The following PTPRD variants were observed in gnomAD, a reference collection of about 807,000 sequenced individuals.
PTPRD encodes the protein protein tyrosine phosphatase receptor type D.
PTPRD carries 34 observed loss-of-function variants against 214.5 expected under a neutral mutation model. That is an observed-to-expected ratio of 0.16 (90% CI 0.12 to 0.21). PTPRD has a LOEUF of 0.21. Ranked by LOEUF, PTPRD falls within the 10% of genes least tolerant of loss-of-function variation. The pLI, the probability that PTPRD is intolerant of heterozygous loss-of-function variation, is 1.00. For synonymous variants in PTPRD, 1,128 were observed against 845.7 expected (o/e 1.33, Z -5.79); for missense variants, 2,545 against 2,398.7 (o/e 1.06, Z -1.27).
intron 11 of PTPRD, among the ~76,000 whole-genome samples, chr9:8,770,437 A>G (rs2095116897): frequency 6.6e-6 from 1 of 152,156 alleles, no homozygotes; most frequent in South Asian, 2.1e-4. Context: ...AATATGTTCT[A>G]TGAGCTTTGT....
intron 11 of PTPRD, among the ~76,000 whole-genome samples, chr9:8,991,783 G>T (rs1039577727): frequency 1.3e-5 from 2 of 152,182 alleles, no homozygotes; most frequent in African/African-American, 4.8e-5. Context: ...ACATTTGCTA[G>T]TTCATAATTA....
At chr9:10,485,105 T>C (rs1224453443) in intron 2 of PTPRD, among the ~76,000 whole-genome samples, 1 of 152,044 alleles carries the variant, frequency 6.6e-6, no homozygotes, top group African/African-American at 2.4e-5. Flanking sequence ...TTTCCAGCAC[T>C]ATTTATTCAC....
At chr9:9,308,209 T>C (rs764757657) in intron 9 of PTPRD, among the ~76,000 whole-genome samples, 1 of 152,194 alleles carries the variant, frequency 6.6e-6, no homozygotes, top group Non-Finnish European at 1.5e-5. Context: ...AATCCTCAGA[T>C]TGTGATCAAG....
intron 8 of PTPRD, among the ~76,000 whole-genome samples, chr9:9,413,035 C>G (rs986572409): frequency 6.0e-5 from 9 of 150,924 alleles, no homozygotes; most frequent in African/African-American, 2.2e-4. Flanking sequence ...GTTGTTATTC[C>G]ATGCAGCTAT....
chr9:9,607,969 C>G (rs890643869), intron 7 of PTPRD, among the ~76,000 whole-genome samples: 5 of 152,208 alleles, frequency 3.3e-5, no homozygotes, highest in South Asian at 2.1e-4. Flanking sequence ...AGTGAGGAAA[C>G]AGTCTGGATT....
intron 10 of PTPRD, among the ~76,000 whole-genome samples, chr9:9,038,953 G>A (rs976813039): frequency 1.3e-5 from 2 of 151,912 alleles, no homozygotes; most frequent in Non-Finnish European, 2.9e-5. Flanking sequence ...AAAAGCTTTT[G>A]CTGTATTTTC....
At chr9:9,675,576 T>C (rs1394660228) in intron 7 of PTPRD, among the ~76,000 whole-genome samples, 1 of 151,808 alleles carries the variant, frequency 6.6e-6, no homozygotes, top group Non-Finnish European at 1.5e-5. Flanking sequence ...TCAAAGTAGA[T>C]TAAAATAACA....
At chr9:9,316,935 A>G (rs985458341) in intron 9 of PTPRD, among the ~76,000 whole-genome samples, 5 of 152,152 alleles carry the variant, frequency 3.3e-5, no homozygotes, top group Non-Finnish European at 5.9e-5. Context: ...CTAAAGTTAC[A>G]AAGTCACTTA....
intron 9 of PTPRD, among the ~76,000 whole-genome samples, chr9:9,302,499 T>G (rs1310251802): frequency 6.6e-6 from 1 of 151,852 alleles, no homozygotes; most frequent in Non-Finnish European, 1.5e-5. Flanking sequence ...CCATGTAACT[T>G]GATTCCTGCT....
Position 10,187,295 on chromosome 9 carries a change from G to C in PTPRD, c.-544-153505C>G, listed in dbSNP as rs146652112. Among the ~76,000 whole-genome samples the C allele has an allele frequency of 9.5e-3, 1,451 of 152,158 alleles. 96 individuals are homozygous for C. The highest frequency in any genetic ancestry group is 0.089 in the Admixed American group (1,356 of 15,260). On this transcript the variant is annotated intron_variant, in intron 3 of 45. Transcript: ENST00000381196. ...CTTTTTAAAACTAGAATATAGCACA[G>C]CATTTGACTTACATGCAGTTTACCA...
chr9:8,623,953 T>C (rs2095911214), intron 14 of PTPRD, among the ~76,000 whole-genome samples: 1 of 151,970 alleles, frequency 6.6e-6, no homozygotes, highest in Non-Finnish European at 1.5e-5. Context: ...CTTTCAAAGT[T>C]TCAAGGATAT....
chr9:9,348,025 G>A (rs553844910), intron 9 of PTPRD, among the ~76,000 whole-genome samples: 1 of 152,208 alleles, frequency 6.6e-6, no homozygotes, highest in South Asian at 2.1e-4. Context: ...GTTTTAGTAT[G>A]CATATTCATC....
intron 8 of PTPRD, among the ~76,000 whole-genome samples, chr9:9,537,156 T>C (rs1171146618): frequency 6.6e-6 from 1 of 151,958 alleles, no homozygotes; most frequent in Non-Finnish European, 1.5e-5. Flanking sequence ...CCAGCTACTA[T>C]GAGTAAGAAG....
chr9:9,067,616 A>G (rs1041217782), intron 10 of PTPRD, among the ~76,000 whole-genome samples: 1 of 152,138 alleles, frequency 6.6e-6, no homozygotes, highest in Non-Finnish European at 1.5e-5. Context: ...TTTACTGTAA[A>G]ACTTTTGAAT....
intron 14 of PTPRD, among the ~76,000 whole-genome samples, chr9:8,548,697 T>C: frequency 7.6e-6 from 1 of 131,512 alleles, no homozygotes; most frequent in Non-Finnish European, 1.6e-5. Context: ...TTTTTTTTTT[T>C]TTTTTTTTTT....
intron 11 of PTPRD, among the ~76,000 whole-genome samples, chr9:8,958,263 G>A (rs900669441): frequency 2.0e-5 from 3 of 151,826 alleles, no homozygotes; most frequent in African/African-American, 4.8e-5. Context: ...TTCTCTCTCT[G>A]TCTGAACAAG....
chr9:9,720,559 T>A (rs2097917463), intron 7 of PTPRD, among the ~76,000 whole-genome samples: 2 of 152,094 alleles, frequency 1.3e-5, no homozygotes, highest in South Asian at 4.1e-4. Flanking sequence ...GAGTTAGAAG[T>A]GATGGGAATA....
At chr9:10,198,468 T>C (rs1404247692) in intron 3 of PTPRD, among the ~76,000 whole-genome samples, 4 of 152,100 alleles carry the variant, frequency 2.6e-5, no homozygotes, top group African/African-American at 9.7e-5. Flanking sequence ...CTGAAAGTTG[T>C]AATGATTGCC....
intron 12 of PTPRD, among the ~76,000 whole-genome samples, chr9:8,679,155 G>T (rs2097499986): frequency 6.6e-6 from 1 of 152,182 alleles, no homozygotes; most frequent in African/African-American, 2.4e-5. Flanking sequence ...TTTAGAGGCA[G>T]AAACTAGTCG....
Sources: allele counts gnomAD v4.1 joint callset (sites outside exome capture counted in the v4.1 genomes callset), GRCh38; gene constraint gnomAD v4.1.1; transcripts MANE v1.5; gene names NCBI Gene and HGNC (gene_info 2026-07-23, HGNC 2026-07-21).